Variants in CSMD1 observed in about 807,000 individuals in gnomAD.
The protein encoded by CSMD1 is CUB and Sushi multiple domains 1.
CSMD1 carries 213 observed loss-of-function variants against 417.5 expected under a neutral mutation model. The observed-to-expected ratio is 0.51, with a 90% CI of 0.46 to 0.57. The LOEUF is 0.57. Ranked by LOEUF, CSMD1 falls within the 20% of genes least tolerant of loss-of-function variation. CSMD1 has a pLI of 0.00. For missense variants in CSMD1, 6,923 were observed against 4,529.7 expected (o/e 1.53, Z -15.17); for synonymous variants, 2,862 against 1,736.8 (o/e 1.65, Z -16.11).
intron 1 of CSMD1, among the ~76,000 whole-genome samples, chr8:4,810,259 G>T (rs781350029): frequency 1.3e-5 from 2 of 152,148 alleles, no homozygotes; most frequent in African/African-American, 4.8e-5. Flanking sequence ...TATGTGAAAT[G>T]ATTTACCTAA....
intron 1 of CSMD1, among the ~76,000 whole-genome samples, chr8:4,992,603 C>G (rs1811530910): frequency 1.3e-5 from 2 of 152,210 alleles, no homozygotes; most frequent in Admixed American, 1.3e-4. Context: ...GCGACACACA[C>G]GCCCCAGCAC....
At chr8:3,769,882 A>T (rs1057400251) in intron 5 of CSMD1, among the ~76,000 whole-genome samples, 3 of 152,200 alleles carry the variant, frequency 2.0e-5, no homozygotes, top group Non-Finnish European at 4.4e-5. Flanking sequence ...GTCAGAAGGG[A>T]TGTAGCTCTT....
chr8:3,913,642 C>G (rs947877092), intron 5 of CSMD1, among the ~76,000 whole-genome samples: 2 of 152,252 alleles, frequency 1.3e-5, no homozygotes, highest in African/African-American at 2.4e-5. Context: ...AGTCATCCAG[C>G]ATTGAGACAT....
intron 1 of CSMD1, among the ~76,000 whole-genome samples, chr8:4,961,805 T>C (rs1313710581): frequency 6.6e-6 from 1 of 152,180 alleles, no homozygotes; most frequent in African/African-American, 2.4e-5. Context: ...GTTTGACAAA[T>C]ACTGCTAATC....
chr8:4,190,041 G>A (rs1219092456), intron 3 of CSMD1, among the ~76,000 whole-genome samples: 8 of 151,818 alleles, frequency 5.3e-5, no homozygotes, highest in Middle Eastern at 6.8e-3. Context: ...GGTAGAACAC[G>A]AGGTCAGGAG....
intron 1 of CSMD1, among the ~76,000 whole-genome samples, chr8:4,735,221 T>C (rs1219237261): frequency 6.6e-6 from 1 of 152,158 alleles, no homozygotes; most frequent in Non-Finnish European, 1.5e-5. Context: ...TAATACCAAA[T>C]GCGAGAGGAT....
chr8:4,129,111 A>G (rs1286743804), intron 3 of CSMD1, among the ~76,000 whole-genome samples: 1 of 151,258 alleles, frequency 6.6e-6, no homozygotes, highest in Non-Finnish European at 1.5e-5. Flanking sequence ...AAAAAACAGA[A>G]TTTTTATTGT....
Position 3,660,565 on chromosome 8 carries a change from G to C in CSMD1, c.1010-43768C>G, listed in dbSNP as rs1046612289. Among the ~76,000 whole-genome samples, 7 of 108,916 alleles carry C rather than the reference G, an allele frequency of 6.4e-5. 2 individuals are homozygous for C. Among genetic ancestry groups the C allele is most frequent in the Admixed American group, 4.0e-4 (3 of 7,462 alleles). The allele number at this position is 108,916 out of a possible 152,430, so 71.5% of individuals were successfully genotyped here. A position where few individuals can be genotyped will look rare whatever the true frequency, so the allele number is the denominator to read the frequency against. On this transcript the variant is annotated intron_variant, in intron 7 of 69. Transcript: ENST00000635120. ...AAAAAAAACAAGGCCCTGCAGTCCA[G>C]GCAAGAGTGCAGTGGTGCAATCTCA...
At chr8:4,162,860 A>C (rs1465272792) in intron 3 of CSMD1, among the ~76,000 whole-genome samples, 1 of 152,146 alleles carries the variant, frequency 6.6e-6, no homozygotes, top group African/African-American at 2.4e-5. Flanking sequence ...TATCACACTG[A>C]GTAGTTTCCC....
At chr8:3,478,260 G>A (rs894279432) in intron 11 of CSMD1, among the ~76,000 whole-genome samples, 10 of 152,168 alleles carry the variant, frequency 6.6e-5, no homozygotes, top group South Asian at 2.1e-4. Context: ...GTTCACGTGC[G>A]GAACTGCGTG....
At chr8:3,124,351 A>C (rs1325583483) in intron 41 of CSMD1, among the ~76,000 whole-genome samples, 1 of 152,250 alleles carries the variant, frequency 6.6e-6, no homozygotes, top group African/African-American at 2.4e-5. Context: ...ATAAATTATT[A>C]TTAAAAAATA....
chr8:3,016,177 T>A (rs189586150), intron 52 of CSMD1, among the ~76,000 whole-genome samples: 1 of 152,330 alleles, frequency 6.6e-6, no homozygotes, highest in South Asian at 2.1e-4. Context: ...AAAAATATCA[T>A]CATTTATAAC....
chr8:2,942,365 A>T, intron 69 of CSMD1, 107 bp downstream of exon 69: 1 of 958,376 alleles, frequency 1.0e-6, no homozygotes, highest in South Asian at 2.3e-5. Context: ...AGAACATTGC[A>T]TAGTAATATA....
At chr8:3,726,508 C>T (rs1348382017) in intron 6 of CSMD1, among the ~76,000 whole-genome samples, 1 of 152,208 alleles carries the variant, frequency 6.6e-6, no homozygotes, top group Non-Finnish European at 1.5e-5. Flanking sequence ...GAGGCCAACT[C>T]TGAACACCTT....
intron 5 of CSMD1, among the ~76,000 whole-genome samples, chr8:3,962,079 T>A (rs997545273): frequency 1.3e-4 from 20 of 152,184 alleles, no homozygotes; most frequent in Non-Finnish European, 2.9e-4. Context: ...TTCTCAGAGA[T>A]AACTTGAGCT....
intron 49 of CSMD1, among the ~76,000 whole-genome samples, chr8:3,081,494 T>A (rs1333107376): frequency 1.3e-5 from 2 of 152,178 alleles, no homozygotes; most frequent in Non-Finnish European, 2.9e-5. Flanking sequence ...AAATAAAAAT[T>A]TTCAAATAAA....
At chr8:3,455,211 G>A (rs1009067672) in intron 12 of CSMD1, among the ~76,000 whole-genome samples, 4 of 151,988 alleles carry the variant, frequency 2.6e-5, no homozygotes, top group African/African-American at 7.2e-5. Flanking sequence ...TTAGCCAGTC[G>A]TCTAATTTTT....
rs1366895773 is a variant in CSMD1, at chr8:3,962,556, C to A, written c.818+35347G>T. On this transcript the variant is annotated intron_variant, in intron 5 of 69. Transcript: ENST00000635120. ...TCGCAGGTAAGCAAAGTGTAGGGGT[C>A]ATGATTTCACACGAGGAGTAAGCAA... Among the ~76,000 whole-genome samples the A allele has an allele frequency of 3.3e-5, 5 of 151,982 alleles. No individual in the cohort carries two copies. The East Asian group carries it at 7.7e-4, about 24-fold the overall frequency.
chr8:3,260,928 A>G lies in CSMD1; in HGVS notation c.4153+23216T>C, dbSNP rs138332006. Among the ~76,000 whole-genome samples the G allele has an allele frequency of 1.2e-4, 19 of 152,342 alleles. No homozygotes were observed. In the East Asian group the frequency reaches 3.5e-3, roughly 28 times the overall value. ...CAACAGACTAGTGTCTTAAAAATAT[A>G]AAGAATGCTCAAGACTGAAGAGTAA... On this transcript the variant is annotated intron_variant, in intron 26 of 69. Coordinates refer to ENST00000635120, the MANE Select transcript of CSMD1 (RefSeq NM_033225.6).
Sources: gnomAD v4.1 joint callset for allele counts (sites outside exome capture counted in the v4.1 genomes callset) on GRCh38, gnomAD v4.1.1 for gene constraint, MANE v1.5 for transcripts, NCBI Gene and HGNC (gene_info 2026-07-23, HGNC 2026-07-21) for gene names.